TEKT4: variants seen among roughly 807,000 people sequenced by gnomAD.
TEKT4 encodes tektin 4, also known as tektin-4.
Under a neutral mutation model 46.0 loss-of-function variants are expected in TEKT4, and 46 were observed. The observed-to-expected ratio is 1.00, with a 90% confidence interval of 0.79 to 1.28. TEKT4 has a LOEUF of 1.28. TEKT4 is among the 50% of genes most tolerant of loss of function. The pLI, the probability that TEKT4 is intolerant of heterozygous loss-of-function variation, is 0.00. For synonymous variants in TEKT4, 325 were observed against 265.8 expected (o/e 1.22, Z -2.17); for missense variants, 790 against 622.9 (o/e 1.27, Z -2.85).
chr2:94,876,142 T>C (rs1680841918), intron 5 of TEKT4, among the ~76,000 whole-genome samples: 1 of 152,218 alleles, frequency 6.6e-6, no homozygotes, highest in South Asian at 2.1e-4. Context: ...ACGCCTGCGC[T>C]ACAGGCATAG....
At chr2:94,873,739 C>T (rs548558541) in intron 2 of TEKT4, 149 bp downstream of exon 2, 140 of 1,263,054 alleles carry the variant, frequency 1.1e-4, no homozygotes, top group East Asian at 1.5e-4. Context: ...GGGGAGGTTC[C>T]GGCGCAGCCT....
Position 94,874,117 on chromosome 2 carries a change from C to T in TEKT4, c.713+9C>T, listed in dbSNP as rs200048762. The T allele has an allele frequency of 9.8e-5, 158 of 1,612,636 alleles. No individual in the cohort carries two copies. The highest frequency in any genetic ancestry group is 1.3e-4 in the Non-Finnish European group (152 of 1,179,532). On this transcript the variant is annotated intron_variant, in intron 3 of 5. Coordinates refer to ENST00000295201, the MANE Select transcript of TEKT4 (RefSeq NM_144705.4). ...ACCACCTTCCAAGAGAGGTGGGCCC[C>T]AGCTCTGCCCCTGCACTTGCCCTGG...
At chr2:94,876,486 C>G in intron 5 of TEKT4, 67 bp from the exon 6 acceptor site, 1 of 1,452,444 alleles carries the variant, frequency 6.9e-7, no homozygotes, top group Non-Finnish European at 9.3e-7. Context: ...TTTGGGTCCC[C>G]TACACCCCGG....
chr2:94,873,536 G>T lies in TEKT4; in HGVS notation c.515G>T (p.Arg172Leu), dbSNP rs781835348. 7.4e-6 allele frequency: 12 copies of T among 1,612,496 alleles called. No homozygotes were observed. The highest frequency in any genetic ancestry group is 1.1e-5 in the South Asian group (1 of 91,006). ...TELLKEAELI[R>L]NIQELLKRTI... ...CTCCCTCAGGAAGCCGAGCTCATCC[G>T]GAACATTCAGGAGCTGCTGAAGAGA... Residue 172 changes from arginine to leucine, a missense_variant, in exon 2 of 6, where the codon CGG becomes CTG. Arg to Leu is a moderately radical substitution (Grantham distance 102, BLOSUM62 -2). Transcript: ENST00000295201.
intron 3 of TEKT4, 123 bp from the exon 4 acceptor site, chr2:94,874,653 G>GC: frequency 1.2e-6 from 1 of 863,730 alleles, no homozygotes; most frequent in South Asian, 1.8e-5. Flanking sequence ...AGCATGGGGT[G>GC]CATCGGAGTC....
chr2:94,875,085 G>A (rs566518612), intron 4 of TEKT4, 87 bp downstream of exon 4: 66 of 1,353,266 alleles, frequency 4.9e-5, no homozygotes, highest in Middle Eastern at 5.3e-4. Flanking sequence ...CATTTATCCC[G>A]AGGGACCCCA....
In TEKT4 at chr2:94,873,624, A is replaced by C. The variant is rs544807692; in HGVS notation, c.569+34A>C. 110 of 1,612,570 alleles carry C rather than the reference A, an allele frequency of 6.8e-5. No homozygotes were observed. In the East Asian group the frequency reaches 2.3e-3, roughly 33 times the overall value. On this transcript the variant is annotated intron_variant, in intron 2 of 5. Coordinates refer to ENST00000295201, the MANE Select transcript of TEKT4 (RefSeq NM_144705.4). ...AGGGCTGCCCAAGGGATGATTCCTG[A>C]CCCTACCCACAGCTGGTCCTGGGGC...
Position 94,874,048 on chromosome 2 carries a change from G to A in TEKT4, c.653G>A (p.Arg218His), listed in dbSNP as rs370925640. The change falls in exon 3 of 6, where the codon CGC becomes CAC. Residue 218 changes from arginine (R) to histidine (H), a missense_variant. Coordinates refer to ENST00000295201, the MANE Select transcript of TEKT4 (RefSeq NM_144705.4). ...TACAACATCGACGAGACCTGCGGGC[G>A]CCACCACAGCCAGAGCACCGAGGTG... ...EAYNIDETCG[R>H]HHSQSTEVQA... The A allele has an allele frequency of 8.2e-5, 133 of 1,613,580 alleles. No individual in the cohort carries two copies. The highest frequency in any genetic ancestry group is 1.1e-4 in the Non-Finnish European group (127 of 1,179,968).
chr2:94,873,312 G>A (rs1553395236), intron 1 of TEKT4: 2 of 1,422,200 alleles, frequency 1.4e-6, no homozygotes, highest in East Asian at 5.2e-5. Context: ...GGCCCTGGAG[G>A]AAAACACCCC....
intron 1 of TEKT4, 158 bp downstream of exon 1, chr2:94,872,235 G>A (rs1358211579): frequency 7.4e-6 from 7 of 952,300 alleles, no homozygotes; most frequent in African/African-American, 1.7e-5. Context: ...GCCCCTTAGT[G>A]ACAGGAGGCA....
chr2:94,872,496 G>A lies in TEKT4; in HGVS notation c.498+419G>A, dbSNP rs560195698. On this transcript the variant is annotated intron_variant, in intron 1 of 5. Coordinates refer to ENST00000295201, the MANE Select transcript of TEKT4 (RefSeq NM_144705.4). ...ACTGCTCCCATTCATCCTATACAGAGCCGGGGACACAAAGATCTGCACCCA... is the reference window on the plus strand; with the variant it reads ...ACTGCTCCCATTCATCCTATACAGAACCGGGGACACAAAGATCTGCACCCA... 11 of 318,332 alleles carry A rather than the reference G, an allele frequency of 3.5e-5. No homozygotes were observed. In the East Asian group the frequency reaches 5.2e-4, roughly 15 times the overall value. 19.7% of individuals were successfully genotyped at this position (318,332 alleles called of 1,614,324 possible). A position where few individuals can be genotyped will look rare whatever the true frequency, so the allele number is the denominator to read the frequency against.
At chr2:94,875,194 T>G (rs1435432950) in intron 4 of TEKT4, among the ~76,000 whole-genome samples, 196 bp downstream of exon 4, 1 of 152,106 alleles carries the variant, frequency 6.6e-6, no homozygotes. Context: ...GGAGGAGCTG[T>G]GGGGAGGATG....
Position 94,872,067 on chromosome 2 carries a change from AGCT to A in TEKT4, c.493_495del (p.Leu165del), listed in dbSNP as rs782619590. 37 of 1,541,990 alleles carry A rather than the reference AGCT, an allele frequency of 2.4e-5. No homozygotes were observed. Among genetic ancestry groups the A allele is most frequent in the Middle Eastern group, 3.4e-4 (2 of 5,854 alleles). On this transcript the variant is annotated inframe_deletion, in exon 1 of 6. Transcript: ENST00000295201. ...CTCGTGCGCGACCATGTGGAAACGG[AGCT>A]GCTGAAGGTGCCAGCACCCTTGGGT... is the stretch of plus-strand genomic sequence containing the variant.
intron 3 of TEKT4, 151 bp downstream of exon 3, chr2:94,874,259 G>C (rs1680720711): frequency 1.2e-6 from 1 of 819,876 alleles, no homozygotes; most frequent in African/African-American, 1.7e-5. Flanking sequence ...GCATGAGCAA[G>C]CGACCAAGAC....
In TEKT4 at chr2:94,873,964, G is replaced by T; in HGVS notation, c.570-1G>T. ...CAAGGCCCTGCCCCACCCCGCCCCA[G>T]ACTGAACCGGGAGCACAAGGAGACC... On this transcript the variant is annotated splice_acceptor_variant, in intron 2 of 5. Coordinates refer to ENST00000295201, the MANE Select transcript of TEKT4 (RefSeq NM_144705.4). LOFTEE classifies it high-confidence loss of function. 6.3e-7 allele frequency: 1 copy of T among 1,598,324 alleles called. No individual in the cohort carries two copies.
At position 94,876,625 on chromosome 2, in the gene TEKT4, G is replaced by C; in HGVS notation, c.1164G>C (p.Gln388His). The C allele has an allele frequency of 1.2e-6, 2 of 1,613,136 alleles. No individual in the cohort carries two copies. The highest frequency in any genetic ancestry group is 1.7e-6 in the Non-Finnish European group (2 of 1,179,914). Reference sequence around the variant, plus strand: ...GAGAGAAGCTTCTAGAAGCGGAGCAGTCCCTGCGCAACCTCGAGGACATCC... The same window carrying C: ...GAGAGAAGCTTCTAGAAGCGGAGCACTCCCTGCGCAACCTCGAGGACATCC... ...ALREKLLEAE[Q>H]SLRNLEDIHM... The change falls in exon 6 of 6, where the codon CAG (glutamine) becomes CAC (histidine). Residue 388 changes from glutamine (Q) to histidine (H), a missense_variant. By Grantham distance (24) the Gln-to-His change is conservative. Coordinates refer to ENST00000295201, the MANE Select transcript of TEKT4 (RefSeq NM_144705.4).
Position 94,871,504 on chromosome 2 carries a change from G to A in TEKT4, c.-76G>A, listed in dbSNP as rs1250849101. The A allele has an allele frequency of 4.8e-6, 7 of 1,458,970 alleles. No individual in the cohort carries two copies. Among genetic ancestry groups the A allele is most frequent in the Non-Finnish European group, 6.3e-6 (7 of 1,106,730 alleles). The allele number at this position is 1,458,970 out of a possible 1,614,324, so 90.4% of individuals were successfully genotyped here. A position where few individuals can be genotyped will look rare whatever the true frequency, so the allele number is the denominator to read the frequency against. ...ACTGAGCCGTTGGAGCTGCCCCGCT[G>A]ACCGCACTAGGCTGACCGCAACCGG... On this transcript the variant is annotated 5_prime_UTR_variant, in exon 1 of 6. Transcript: ENST00000295201.
chr2:94,873,280 A>C (rs1573182799), intron 1 of TEKT4: 4 of 1,380,522 alleles, frequency 2.9e-6, no homozygotes, highest in Non-Finnish European at 3.8e-6. Context: ...CCGCTGAGGG[A>C]CCTTCCCAGC....
At position 94,871,660 on chromosome 2, in the gene TEKT4, C is replaced by T. The variant is rs533777403; in HGVS notation, c.81C>T (p.Ser27=). 3.7e-5 allele frequency: 59 copies of T among 1,612,580 alleles called. No homozygotes were observed. In the East Asian group the frequency reaches 8.5e-4, roughly 23 times the overall value. Residue 27 remains serine (S), a synonymous_variant, in exon 1 of 6, where the codon TCC becomes TCT. Coordinates refer to ENST00000295201, the MANE Select transcript of TEKT4 (RefSeq NM_144705.4). ...VARNTGAYTS[S]GLATASFRTS... is the part of the protein sequence containing the mutation. ...GTAACACGGGCGCCTACACGTCCTCCGGCCTGGCCACCGCCAGCTTCCGCA... is the reference window on the plus strand; with the variant it reads ...GTAACACGGGCGCCTACACGTCCTCTGGCCTGGCCACCGCCAGCTTCCGCA...
Sources: allele counts gnomAD v4.1 joint callset (sites outside exome capture counted in the v4.1 genomes callset), GRCh38; gene constraint gnomAD v4.1.1; transcripts MANE v1.5; gene names NCBI Gene and HGNC (gene_info 2026-07-23, HGNC 2026-07-21).